Variants in SLC1A4 observed in about 807,000 individuals in gnomAD.
SLC1A4 encodes the protein neutral amino acid transporter A.
A neutral mutation model predicts 37.7 loss-of-function variants in SLC1A4; 19 were observed. The ratio of observed to expected loss-of-function variants is 0.50; its 90% CI spans 0.35 to 0.74. The LOEUF is 0.74. Ranked by LOEUF, SLC1A4 falls within the 30% of genes least tolerant of loss-of-function variation. The pLI is 0.01. For synonymous variants in SLC1A4, 299 were observed against 309.8 expected (o/e 0.97, Z 0.37); for missense variants, 570 against 712.9 (o/e 0.80, Z 2.28).
Position 65,020,515 on chromosome 2 carries a change from C to T in SLC1A4, c.1365-397C>T, listed in dbSNP as rs1036661330. Among the ~76,000 whole-genome samples, 4 of 152,178 alleles carry T rather than the reference C, an allele frequency of 2.6e-5. No homozygotes were observed. In the South Asian group the frequency reaches 8.3e-4, roughly 32 times the overall value. The stretch of plus-strand genomic sequence containing the variant: ...CTCCTGGCCTTAAACAGTCCTCCCA[C>T]CTCAGCCTCCCAAATTGCTGGGATT... On this transcript the variant is annotated intron_variant, in intron 7 of 7. Coordinates refer to ENST00000234256, the MANE Select transcript of SLC1A4 (RefSeq NM_003038.5).
rs1477129899 is a variant in SLC1A4 at position 65,022,064 on chromosome 2, G to A, written c.*918G>A. On this transcript the variant is annotated 3_prime_UTR_variant, in exon 8 of 8. Coordinates refer to ENST00000234256, the MANE Select transcript of SLC1A4 (RefSeq NM_003038.5). ...AGGTGTGATGTAGTTATCACATTCA[G>A]GACCCTTGTTGATTTATCATCTATT... The A allele has an allele frequency of 6.6e-6, 1 of 152,272 alleles. No individual in the cohort carries two copies. Among genetic ancestry groups the A allele is most frequent in the Non-Finnish European group, 1.5e-5 (1 of 68,058 alleles). 9.4% of individuals were successfully genotyped at this position (152,272 alleles called of 1,614,324 possible). A position where few individuals can be genotyped will look rare whatever the true frequency, so the allele number is the denominator to read the frequency against.
In SLC1A4 at chr2:65,001,407, G is replaced by A. The variant is rs202240207; in HGVS notation, c.528-41G>A. On this transcript the variant is annotated intron_variant, in intron 1 of 7. Transcript: ENST00000234256. ...ACAGGGACCTCATCTCTAAAAAATT[G>A]TTTTAAAAGAATACTGACAGAATGC... 4,419 of 1,600,108 alleles carry A rather than the reference G, an allele frequency of 2.8e-3. 5 individuals carry two copies. The highest frequency in any genetic ancestry group is 3.6e-3 in the Non-Finnish European group (4,163 of 1,167,806).
chr2:64,999,171 T>C (rs938795561), intron 1 of SLC1A4, among the ~76,000 whole-genome samples: 1 of 152,254 alleles, frequency 6.6e-6, no homozygotes, highest in Non-Finnish European at 1.5e-5. Flanking sequence ...TATAAGTTGC[T>C]AGTCTGTTTC....
chr2:64,997,823 C>T (rs1024163528), intron 1 of SLC1A4, among the ~76,000 whole-genome samples: 2 of 151,632 alleles, frequency 1.3e-5, no homozygotes, highest in Non-Finnish European at 2.9e-5. Context: ...AGGAGTGGGC[C>T]GGGCGTGGTG....
intron 3 of SLC1A4, among the ~76,000 whole-genome samples, chr2:65,004,801 T>A (rs926900782): frequency 1.3e-5 from 2 of 152,188 alleles, no homozygotes; most frequent in African/African-American, 4.8e-5. Flanking sequence ...TTAGAATAAA[T>A]AAATTGAGAT....
intron 3 of SLC1A4, among the ~76,000 whole-genome samples, chr2:65,005,495 A>G (rs80253944): frequency 0.092 from 14,007 of 152,278 alleles, 847 homozygotes; most frequent in Middle Eastern, 0.14. Flanking sequence ...AGCTGGGCTC[A>G]CTGGGATGTG....
Position 65,002,570 on chromosome 2 carries a change from C to CTTTTTTTTTTTTTTTTTTTTTTTTTT in SLC1A4, c.570+1105_570+1106insTTTTTTTTTTTTTTTTTTTTTTTTTT, listed in dbSNP as rs70937394. Among the ~76,000 whole-genome samples the CTTTTTTTTTTTTTTTTTTTTTTTTTT allele has an allele frequency of 3.4e-4, 20 of 59,048 alleles. 2 individuals carry two copies. Among genetic ancestry groups the CTTTTTTTTTTTTTTTTTTTTTTTTTT allele is most frequent in the East Asian group, 7.6e-4 (1 of 1,322 alleles). 38.7% of individuals were successfully genotyped at this position (59,048 alleles called of 152,430 possible). A position where few individuals can be genotyped will look rare whatever the true frequency, so the allele number is the denominator to read the frequency against. Reference sequence around the variant, plus strand: ...TGCAAGTAACAGTCCTGTGACCATTCTTTTTTTTTTTTTTTTTTTTTTTTT... The same window carrying CTTTTTTTTTTTTTTTTTTTTTTTTTT: ...TGCAAGTAACAGTCCTGTGACCATTCTTTTTTTTTTTTTTTTTTTTTTTTTTTTTTTTTTTTTTTTTTTTTTTTTTT... On this transcript the variant is annotated intron_variant, in intron 2 of 7. Transcript: ENST00000234256.
intron 1 of SLC1A4, among the ~76,000 whole-genome samples, chr2:64,991,795 G>C (rs1356825813): frequency 3.9e-5 from 6 of 152,118 alleles, no homozygotes; most frequent in Non-Finnish European, 1.5e-5. Context: ...TAGAGACGGG[G>C]TTTCACCATG....
At chr2:65,002,207 G>C (rs1202222172) in intron 2 of SLC1A4, among the ~76,000 whole-genome samples, 1 of 147,916 alleles carries the variant, frequency 6.8e-6, no homozygotes, top group East Asian at 2.0e-4. Context: ...TCGAACCTGG[G>C]AGTTGGAGGT....
intron 3 of SLC1A4, among the ~76,000 whole-genome samples, chr2:65,010,118 G>A (rs1451947903): frequency 6.6e-6 from 1 of 152,072 alleles, no homozygotes; most frequent in African/African-American, 2.4e-5. Context: ...TTTTAGTATA[G>A]ACAGGGTTTC....
At chr2:65,003,636 GA>G (rs1673561789) in intron 2 of SLC1A4, among the ~76,000 whole-genome samples, 1 of 152,242 alleles carries the variant, frequency 6.6e-6, no homozygotes, top group South Asian at 2.1e-4. Flanking sequence ...TAAGGCTGAG[GA>G]AATATCAAAT....
rs1401246773 is a variant in SLC1A4 at position 65,023,852 on chromosome 2, T to C, written c.*2706T>C. On this transcript the variant is annotated 3_prime_UTR_variant, in exon 8 of 8. Coordinates refer to ENST00000234256, the MANE Select transcript of SLC1A4 (RefSeq NM_003038.5). Reference sequence around the variant, plus strand: ...GCACAGTCCTCAGAAATGAATACCGTGTTTCCACTGGAATCTGCAGTTCCT... The same window carrying C: ...GCACAGTCCTCAGAAATGAATACCGCGTTTCCACTGGAATCTGCAGTTCCT... The C allele has an allele frequency of 1.3e-5, 2 of 152,712 alleles. No individual in the cohort carries two copies. Among genetic ancestry groups the C allele is most frequent in the African/African-American group, 4.8e-5 (2 of 41,474 alleles). The allele number at this position is 152,712 out of a possible 1,614,324, so 9.5% of individuals were successfully genotyped here.
In SLC1A4 at chr2:65,018,461, C is replaced by T. The variant is rs1360601160; in HGVS notation, c.1230-84C>T. ...GGTGGGGCGGTTTTTAGTTTCCAGC[C>T]ACATTGCAGCTGCATGGTCTGCATT... On this transcript the variant is annotated intron_variant, in intron 6 of 7. Coordinates refer to ENST00000234256, the MANE Select transcript of SLC1A4 (RefSeq NM_003038.5). This position sits in a 1 kb window ranked among gnomAD's most constrained non-coding sequence, Gnocchi z 4.3. The T allele has an allele frequency of 3.8e-6, 6 of 1,558,992 alleles. No homozygotes were observed. Among genetic ancestry groups the T allele is most frequent in the Non-Finnish European group, 5.2e-6 (6 of 1,149,938 alleles).
chr2:65,019,971 G>A (rs1340739871), intron 7 of SLC1A4, among the ~76,000 whole-genome samples: 1 of 152,210 alleles, frequency 6.6e-6, no homozygotes, highest in Non-Finnish European at 1.5e-5. Context: ...CCTCAGGGAA[G>A]ATCACATTTT....
chr2:64,999,880 A>G (rs1230889951), intron 1 of SLC1A4: 1 of 152,098 alleles, frequency 6.6e-6, no homozygotes, highest in Non-Finnish European at 1.5e-5. Context: ...GTGACATCCC[A>G]TCACCTTTGC....
chr2:65,009,522 A>G (rs1673826966), intron 3 of SLC1A4, among the ~76,000 whole-genome samples: 1 of 152,358 alleles, frequency 6.6e-6, no homozygotes, highest in South Asian at 2.1e-4. Flanking sequence ...AGCCACCTAC[A>G]TGTCTCCAGT....
intron 5 of SLC1A4, 48 bp downstream of exon 5, chr2:65,016,721 G>C: frequency 1.6e-6 from 2 of 1,285,084 alleles, no homozygotes; most frequent in African/African-American, 2.9e-5. Flanking sequence ...TGTTAACATG[G>C]AACCAGGTGA....
At chr2:65,007,606 G>T (rs1558521628) in intron 3 of SLC1A4, among the ~76,000 whole-genome samples, 1 of 152,196 alleles carries the variant, frequency 6.6e-6, no homozygotes, top group Admixed American at 6.5e-5. Flanking sequence ...TGGTTCGAAA[G>T]CTGGAACTGC....
intron 4 of SLC1A4, among the ~76,000 whole-genome samples, chr2:65,012,238 C>A (rs763859258): frequency 6.6e-6 from 1 of 151,434 alleles, no homozygotes; most frequent in South Asian, 2.1e-4. Flanking sequence ...TACAGATGAC[C>A]GCCACCACGC....
Sources: allele counts gnomAD v4.1 joint callset (sites outside exome capture counted in the v4.1 genomes callset), GRCh38; gene constraint gnomAD v4.1.1; non-coding constraint Gnocchi (gnomAD v3.1); transcripts MANE v1.5; gene names NCBI Gene and HGNC (gene_info 2026-07-23, HGNC 2026-07-21).